The following PECAM1 variants were observed in gnomAD, a reference collection of about 807,000 sequenced individuals.
The protein encoded by PECAM1 is platelet endothelial cell adhesion molecule.
Under a neutral mutation model 13.8 loss-of-function variants are expected in PECAM1, and 8 were observed. The observed-to-expected ratio is 0.58, with a 90% CI of 0.34 to 1.05. The LOEUF is 1.05. PECAM1 is among the 50% of genes least tolerant of loss of function. The probability of loss-of-function intolerance (pLI) is 0.03; values close to 1 mark genes in which losing one functional copy is unlikely to be tolerated. For synonymous variants in PECAM1, 136 were observed against 52.6 expected, an observed-to-expected ratio of 2.58 and a Z score of -6.86; for missense variants, 304 against 141.2, an observed-to-expected ratio of 2.15 and a Z score of -5.84.
intron 7 of PECAM1, among the ~76,000 whole-genome samples, chr17:64,359,532 G>C (rs2035924479): frequency 6.6e-6 from 1 of 152,164 alleles, no homozygotes; most frequent in African/African-American, 2.4e-5. Flanking sequence ...ATCTGAAAAG[G>C]AGAAAGTGCT....
At chr17:64,325,946 T>C (rs1245989619) in intron 15 of PECAM1, among the ~76,000 whole-genome samples, 2 of 152,196 alleles carry the variant, frequency 1.3e-5, no homozygotes, top group African/African-American at 4.8e-5. Flanking sequence ...ATTGTATCAA[T>C]TATTGATAAA....
intron 13 of PECAM1, among the ~76,000 whole-genome samples, chr17:64,343,768 G>T (rs2035490344): frequency 6.6e-6 from 1 of 152,194 alleles, no homozygotes; most frequent in Non-Finnish European, 1.5e-5. Flanking sequence ...ACACTGCTGG[G>T]ACAGCAGAGA....
chr17:64,346,152 GAGGA>G (rs2143753316), intron 13 of PECAM1, among the ~76,000 whole-genome samples: 1 of 152,280 alleles, frequency 6.6e-6, no homozygotes, highest in Non-Finnish European at 1.5e-5. Flanking sequence ...GTTAGCCTCA[GAGGA>G]AGGGAGACAG....
chr17:64,349,782 G>T (rs2606975), intron 12 of PECAM1, among the ~76,000 whole-genome samples: 23 of 151,432 alleles, frequency 1.5e-4, no homozygotes, highest in Non-Finnish European at 3.1e-4. Flanking sequence ...TTACTTGGGA[G>T]GCTGAGGCAG....
At chr17:64,375,413 G>A (rs1381344993) in intron 3 of PECAM1, 57 bp from the exon 4 acceptor site, 13 of 411,560 alleles carry the variant, frequency 3.2e-5, no homozygotes, top group Middle Eastern at 6.2e-4. Flanking sequence ...AAGTCTGTCA[G>A]TATCAGCCTG....
intron 5 of PECAM1, among the ~76,000 whole-genome samples, chr17:64,369,019 C>T (rs1350102945): frequency 4.7e-5 from 7 of 147,558 alleles, no homozygotes; most frequent in Non-Finnish European, 7.5e-5. Flanking sequence ...TCACCGCAGC[C>T]TCTGCCTCCC....
rs1021832549 is a variant in PECAM1 at position 64,321,343 on chromosome 17, T to C, written c.*2473A>G. ...GGTTACGGCAGCTGCCGAGGAAGGC[T>C]AAAGCCAGCGTCCTGGATTCAGACA... On this transcript the variant is annotated 3_prime_UTR_variant, in exon 16 of 16. Transcript: ENST00000563924. The C allele has an allele frequency of 2.4e-6, 2 of 822,746 alleles. No individual in the cohort carries two copies. The highest frequency in any genetic ancestry group is 1.9e-5 in the African/African-American group (1 of 53,982). 51.0% of individuals were successfully genotyped at this position (822,746 alleles called of 1,614,324 possible).
chr17:64,360,261 GTTC>G lies in PECAM1; in HGVS notation c.1368_1370del (p.Lys456del). 2.1e-6 allele frequency: 1 copy of G among 475,366 alleles called. No homozygotes were observed. The highest frequency in any genetic ancestry group is 6.7e-5 in the South Asian group (1 of 14,882). The allele number at this position is 475,366 out of a possible 1,614,324, so 29.4% of individuals were successfully genotyped here. ...CTTTGAATACCGCAGGATCATTTGA[GTTC>G]TTGGTACTATTCTCCAAAACTTTAC... On this transcript the variant is annotated inframe_deletion, in exon 7 of 16. Transcript: ENST00000563924.
Position 64,322,779 on chromosome 17 carries a change from G to C in PECAM1, c.*1037C>G. On this transcript the variant is annotated 3_prime_UTR_variant, in exon 16 of 16. Transcript: ENST00000563924. ...CACTCAGGCTGGAGTGCAGTGGCGC[G>C]ATCTCCGCTCACTACAACCTCCGTT... is the stretch of plus-strand genomic sequence containing the variant. 2 of 720,672 alleles carry C rather than the reference G, an allele frequency of 2.8e-6. No individual in the cohort carries two copies. Among genetic ancestry groups the C allele is most frequent in the Non-Finnish European group, 3.4e-6 (2 of 588,018 alleles). 44.6% of individuals were successfully genotyped at this position (720,672 alleles called of 1,614,324 possible).
intron 13 of PECAM1, among the ~76,000 whole-genome samples, chr17:64,345,390 C>T (rs2035537983): frequency 1.3e-5 from 2 of 152,158 alleles, no homozygotes; most frequent in East Asian, 1.9e-4. Context: ...AATTTGTTAT[C>T]TCAACGAGTC....
chr17:64,355,888 ACGATG>A (rs2035834503), intron 8 of PECAM1, among the ~76,000 whole-genome samples: 1 of 152,198 alleles, frequency 6.6e-6, no homozygotes, highest in Non-Finnish European at 1.5e-5. Flanking sequence ...TGTAATTGGA[ACGATG>A]TGACATTCTC....
chr17:64,376,903 G>A (rs1454354732), intron 3 of PECAM1, among the ~76,000 whole-genome samples: 1 of 152,068 alleles, frequency 6.6e-6, no homozygotes, highest in African/African-American at 2.4e-5. Flanking sequence ...TTGAACCCAG[G>A]AGACAGAGGT....
chr17:64,348,558 C>T (rs1276246810), intron 12 of PECAM1, among the ~76,000 whole-genome samples: 1 of 151,910 alleles, frequency 6.6e-6, no homozygotes, highest in Non-Finnish European at 1.5e-5. Context: ...CAGGTGTGCA[C>T]CACCATGCCC....
chr17:64,319,708 C>CA lies in PECAM1; in HGVS notation c.*4107dup, dbSNP rs1399706822. Reference sequence around the variant, plus strand: ...TCACTTGAGGCATTTTTCCCCTTACCAGTCGTGCGTTCCCAGAGGAAGGTA... The same window carrying CA: ...TCACTTGAGGCATTTTTCCCCTTACCAAGTCGTGCGTTCCCAGAGGAAGGTA... On this transcript the variant is annotated 3_prime_UTR_variant, in exon 16 of 16. Transcript: ENST00000563924. The CA allele has an allele frequency of 6.6e-6, 1 of 152,104 alleles. No individual in the cohort carries two copies. The highest frequency in any genetic ancestry group is 1.5e-5 in the Non-Finnish European group (1 of 68,044). The allele number at this position is 152,104 out of a possible 1,614,324, so 9.4% of individuals were successfully genotyped here. A position where few individuals can be genotyped will look rare whatever the true frequency, so the allele number is the denominator to read the frequency against.
intron 2 of PECAM1, among the ~76,000 whole-genome samples, chr17:64,383,294 G>A (rs899789325): frequency 1.3e-5 from 2 of 152,132 alleles, no homozygotes; most frequent in East Asian, 1.9e-4. Context: ...GGGTGATCTC[G>A]GGAGTTATTT....
chr17:64,366,358 AC>A (rs2036105273), intron 5 of PECAM1, among the ~76,000 whole-genome samples: 1 of 151,432 alleles, frequency 6.6e-6, no homozygotes, highest in Non-Finnish European at 1.5e-5. Flanking sequence ...AAACAGGAAC[AC>A]TTTTACACTG....
rs1339361639 is a variant in PECAM1 at position 64,321,324 on chromosome 17, G to T, written c.*2492C>A. The T allele has an allele frequency of 1.7e-6, 1 of 602,900 alleles. No individual in the cohort carries two copies. Among genetic ancestry groups the T allele is most frequent in the Non-Finnish European group, 2.1e-6 (1 of 480,734 alleles). The allele number at this position is 602,900 out of a possible 1,614,324, so 37.3% of individuals were successfully genotyped here. On this transcript the variant is annotated 3_prime_UTR_variant, in exon 16 of 16. Coordinates refer to ENST00000563924, the MANE Select transcript of PECAM1 (RefSeq NM_000442.5). ...CTTCAGGTTTAGACACCGGGGTTAC[G>T]GCAGCTGCCGAGGAAGGCTAAAGCC... is the stretch of plus-strand genomic sequence containing the variant.
chr17:64,339,359 T>G (rs2035367949), intron 14 of PECAM1, among the ~76,000 whole-genome samples: 1 of 152,180 alleles, frequency 6.6e-6, no homozygotes, highest in Non-Finnish European at 1.5e-5. Flanking sequence ...ATGGGATTTG[T>G]GGTGAATCCC....
intron 14 of PECAM1, among the ~76,000 whole-genome samples, chr17:64,330,610 T>G (rs2035086172): frequency 6.7e-6 from 1 of 148,362 alleles, no homozygotes; most frequent in African/African-American, 2.5e-5. Context: ...CACTCCAGCC[T>G]GGGCGACACA....
Sources: gnomAD v4.1 joint callset for allele counts (sites outside exome capture counted in the v4.1 genomes callset) on GRCh38, gnomAD v4.1.1 for gene constraint, MANE v1.5 for transcripts, NCBI Gene and HGNC (gene_info 2026-07-23, HGNC 2026-07-21) for gene names.